MCTP1: variants seen among roughly 807,000 people sequenced by gnomAD.
MCTP1 encodes multiple C2 and transmembrane domain-containing protein 1.
Under a neutral mutation model 120.6 loss-of-function variants are expected in MCTP1, and 69 were observed. The ratio of observed to expected loss-of-function variants is 0.57; its 90% CI spans 0.47 to 0.70. MCTP1 has a LOEUF of 0.70. Among genes scored for constraint, MCTP1 ranks in the 30% least tolerant of loss-of-function variants. The pLI, the probability that MCTP1 is intolerant of heterozygous loss-of-function variation, is 0.00. For synonymous variants in MCTP1, 529 were observed against 493.1 expected (o/e 1.07, Z -0.96); for missense variants, 1,203 against 1,248.8 (o/e 0.96, Z 0.55).
At chr5:94,841,796 G>C (rs1010250029) in intron 17 of MCTP1, among the ~76,000 whole-genome samples, 1 of 152,192 alleles carries the variant, frequency 6.6e-6, no homozygotes, top group Admixed American at 6.5e-5. Flanking sequence ...ATCCATGTAA[G>C]AGAAACAGAA....
intron 1 of MCTP1, among the ~76,000 whole-genome samples, chr5:95,032,993 T>C (rs974297425): frequency 2.0e-5 from 3 of 151,826 alleles, no homozygotes; most frequent in African/African-American, 4.8e-5. Context: ...AATTAGAAAA[T>C]GCAGAGGAAA....
intron 1 of MCTP1, among the ~76,000 whole-genome samples, chr5:95,019,206 G>A (rs538488578): frequency 3.9e-5 from 6 of 152,078 alleles, no homozygotes; most frequent in South Asian, 2.1e-4. Context: ...ATATACATAC[G>A]TTTTGTACAT....
At position 94,962,996 on chromosome 5, in the gene MCTP1, G is replaced by A. The variant is rs554217741; in HGVS notation, c.839-9635C>T. Among the ~76,000 whole-genome samples, 4 of 152,238 alleles carry A rather than the reference G, an allele frequency of 2.6e-5. 1 individual carries two copies. Among genetic ancestry groups the A allele is most frequent in the Admixed American group, 2.6e-4 (4 of 15,282 alleles). ...CACCTTGCTGCTGTGTCCTCACATG[G>A]CAAAAGGTGAAAGGACAAAAAGGCC... On this transcript the variant is annotated intron_variant, in intron 2 of 22. Transcript: ENST00000515393.
chr5:95,269,832 T>A (rs990780042), intron 1 of MCTP1, among the ~76,000 whole-genome samples: 2 of 152,234 alleles, frequency 1.3e-5, no homozygotes, highest in African/African-American at 2.4e-5. Context: ...TTCCCATACA[T>A]AAAATGCAAC....
At chr5:95,050,824 A>G (rs1458489309) in intron 1 of MCTP1, among the ~76,000 whole-genome samples, 2 of 152,178 alleles carry the variant, frequency 1.3e-5, no homozygotes, top group East Asian at 1.9e-4. Context: ...ATATGTAATT[A>G]GTTAAGATGA....
At chr5:94,772,785 T>C (rs1305751560) in intron 19 of MCTP1, among the ~76,000 whole-genome samples, 1 of 152,210 alleles carries the variant, frequency 6.6e-6, no homozygotes, top group African/African-American at 2.4e-5. Flanking sequence ...TGAGGTAACC[T>C]GCATCTGTAC....
intron 1 of MCTP1, among the ~76,000 whole-genome samples, chr5:95,199,337 C>T (rs936849861): frequency 6.6e-6 from 1 of 152,062 alleles, no homozygotes; most frequent in African/African-American, 2.4e-5. Flanking sequence ...CCCCAGAATA[C>T]ATATGATAAA....
chr5:95,284,993 G>T lies in MCTP1; in HGVS notation c.-418C>A, dbSNP rs889747745. ...CACCGGGGCGTGCGCGTCCAGCTGCGCCAGGGACCGCACCCGGCGCCCTCT... is the reference window on the plus strand; with the variant it reads ...CACCGGGGCGTGCGCGTCCAGCTGCTCCAGGGACCGCACCCGGCGCCCTCT... On this transcript the variant is annotated 5_prime_UTR_variant, in exon 1 of 23. Transcript: ENST00000515393. The surrounding 1 kb of genome is among the most constrained non-coding windows in gnomAD (Gnocchi z 5.2). Among the ~76,000 whole-genome samples the T allele has an allele frequency of 3.3e-5, 5 of 152,154 alleles. No homozygotes were observed. Among genetic ancestry groups the T allele is most frequent in the Admixed American group, 1.3e-4 (2 of 15,282 alleles).
intron 1 of MCTP1, among the ~76,000 whole-genome samples, chr5:95,055,870 T>C (rs1426098): frequency 0.68 from 102,727 of 152,060 alleles, 37,818 homozygotes; most frequent in Non-Finnish European, 0.83. Context: ...AAACAATACC[T>C]GGCTTATAAG....
intron 2 of MCTP1, among the ~76,000 whole-genome samples, chr5:94,982,106 A>T (rs1171368820): frequency 6.6e-6 from 1 of 152,168 alleles, no homozygotes; most frequent in Non-Finnish European, 1.5e-5. Context: ...AAGTTTTAAG[A>T]CTAGCTGGCC....
rs201067307 is a variant in MCTP1, at chr5:95,099,459, G to A, written c.721-81975C>T. 7.3e-4 allele frequency among the ~76,000 whole-genome samples: 111 copies of A among 152,074 alleles called. No individual in the cohort carries two copies. The East Asian group carries it at 0.013, about 18-fold the overall frequency. On this transcript the variant is annotated intron_variant, in intron 1 of 22. Transcript: ENST00000515393. ...CAAACAACCCCATCAAAAAGTGGGC[G>A]AAGGACATGAACAGACATTTCTCAA...
rs532351758 is a variant in MCTP1 at position 95,109,862 on chromosome 5, A to T, written c.721-92378T>A. On this transcript the variant is annotated intron_variant, in intron 1 of 22. Coordinates refer to ENST00000515393, the MANE Select transcript of MCTP1 (RefSeq NM_024717.7). ...ACAAGTCATAAGTGCTTTTGCATAAATTCCCATTTCCTTTTAGAAGGGATA... is the reference window on the plus strand; with the variant it reads ...ACAAGTCATAAGTGCTTTTGCATAATTTCCCATTTCCTTTTAGAAGGGATA... Among the ~76,000 whole-genome samples, 10 of 152,292 alleles carry T rather than the reference A, an allele frequency of 6.6e-5. No individual in the cohort carries two copies. In the South Asian group the frequency reaches 2.1e-3, roughly 32 times the overall value.
intron 18 of MCTP1, among the ~76,000 whole-genome samples, chr5:94,790,241 A>G (rs1778607568): frequency 6.6e-6 from 1 of 152,228 alleles, no homozygotes; most frequent in South Asian, 2.1e-4. Context: ...CCCAAAGTGC[A>G]TAAAACAAGA....
intron 19 of MCTP1, among the ~76,000 whole-genome samples, chr5:94,755,267 C>T (rs1206128288): frequency 6.6e-6 from 1 of 152,188 alleles, no homozygotes; most frequent in Non-Finnish European, 1.5e-5. Flanking sequence ...CTGCCACTGC[C>T]ATCACTTCTG....
At chr5:95,164,309 A>C (rs1489112390) in intron 1 of MCTP1, among the ~76,000 whole-genome samples, 2 of 152,036 alleles carry the variant, frequency 1.3e-5, no homozygotes, top group African/African-American at 2.4e-5. Context: ...TCAAAAAAAA[A>C]GGTTTACAAG....
At chr5:94,811,149 T>C (rs969948142) in intron 17 of MCTP1, among the ~76,000 whole-genome samples, 1 of 152,178 alleles carries the variant, frequency 6.6e-6, no homozygotes, top group Non-Finnish European at 1.5e-5. Context: ...ATTCAAATAA[T>C]CATCTTAGGC....
At chr5:95,247,858 G>A (rs534553393) in intron 1 of MCTP1, among the ~76,000 whole-genome samples, 1 of 152,298 alleles carries the variant, frequency 6.6e-6, no homozygotes, top group South Asian at 2.1e-4. Context: ...TGAGAAGAAT[G>A]TATGATCTGT....
chr5:94,938,504 C>A (rs749516275), intron 5 of MCTP1, among the ~76,000 whole-genome samples: 10 of 152,144 alleles, frequency 6.6e-5, no homozygotes, highest in Non-Finnish European at 1.0e-4. Context: ...TTTTACACTT[C>A]ATATCTCAGG....
chr5:95,232,625 A>T, intron 1 of MCTP1, among the ~76,000 whole-genome samples: 1 of 151,928 alleles, frequency 6.6e-6, no homozygotes, highest in South Asian at 2.1e-4. Flanking sequence ...CACCCAGCTA[A>T]TTTTTTTGTA....
Sources: allele counts gnomAD v4.1 joint callset (sites outside exome capture counted in the v4.1 genomes callset), GRCh38; gene constraint gnomAD v4.1.1; non-coding constraint Gnocchi (gnomAD v3.1); transcripts MANE v1.5; gene names NCBI Gene and HGNC (gene_info 2026-07-23, HGNC 2026-07-21).